RECQL5: variants seen among roughly 807,000 people sequenced by gnomAD.
RECQL5 encodes the protein ATP-dependent DNA helicase Q5.
A neutral mutation model predicts 103.4 loss-of-function variants in RECQL5; 88 were observed. That is an observed-to-expected ratio of 0.85 (90% CI 0.72 to 1.02). The LOEUF (loss-of-function observed/expected upper bound fraction) is 1.02, where lower values mean the gene tolerates loss of function less well. RECQL5 is among the 50% of genes least tolerant of loss of function. The pLI is 0.00. For synonymous variants in RECQL5, 552 were observed against 507.9 expected (o/e 1.09, Z -1.17); for missense variants, 1,232 against 1,284.3 (o/e 0.96, Z 0.62).
Position 75,627,434 on chromosome 17 carries a change from G to A in RECQL5, c.2964C>T (p.Gly988=). 6.2e-7 allele frequency: 1 copy of A among 1,613,336 alleles called. No individual in the cohort carries two copies. The highest frequency in any genetic ancestry group is 1.7e-5 in the Admixed American group (1 of 60,030). The change falls in exon 20 of 20, where the codon GGC becomes GGT. Residue 988 remains glycine, a synonymous_variant. Transcript: ENST00000317905. ...ESEADWHGLC[G]PQR The stretch of plus-strand genomic sequence containing the variant: ...AGCCAGCAGTTGGTCATCTCTGGGG[G>A]CCACACAGGCCATGCCAGTCAGCTT...
intron 2 of RECQL5, among the ~76,000 whole-genome samples, chr17:75,665,988 G>A (rs1478399847): frequency 2.6e-5 from 4 of 152,202 alleles, no homozygotes; most frequent in African/African-American, 9.6e-5. Context: ...GCCAGTGACC[G>A]AGTTAAGTTA....
rs759252798 is a variant in RECQL5 at position 75,662,466 on chromosome 17, C to T, written c.771+13G>A. 5.6e-6 allele frequency: 9 copies of T among 1,609,342 alleles called. No homozygotes were observed. Among genetic ancestry groups the T allele is most frequent in the Middle Eastern group, 1.7e-4 (1 of 5,926 alleles). ...GCTCTAACAGCTGCTTGGCCTCCACCTCAATGCCTCACCCCTTTATCAGCC... is the reference window on the plus strand; with the variant it reads ...GCTCTAACAGCTGCTTGGCCTCCACTTCAATGCCTCACCCCTTTATCAGCC... On this transcript the variant is annotated intron_variant, in intron 4 of 19. Coordinates refer to ENST00000317905, the MANE Select transcript of RECQL5 (RefSeq NM_004259.7).
At chr17:75,632,328 T>C (rs969937196) in intron 8 of RECQL5, among the ~76,000 whole-genome samples, 1 of 152,264 alleles carries the variant, frequency 6.6e-6, no homozygotes, top group African/African-American at 2.4e-5. Context: ...CTGTAGCGCA[T>C]GGCCTGGGTG....
At chr17:75,651,804 A>G (rs1455846398) in intron 7 of RECQL5, among the ~76,000 whole-genome samples, 2 of 152,184 alleles carry the variant, frequency 1.3e-5, no homozygotes, top group African/African-American at 4.8e-5. Flanking sequence ...GAAGCGCTAT[A>G]TAATATCACC....
At chr17:75,657,259 C>T (rs1480686735) in intron 7 of RECQL5, among the ~76,000 whole-genome samples, 2 of 152,292 alleles carry the variant, frequency 1.3e-5, no homozygotes, top group East Asian at 1.9e-4. Flanking sequence ...GTGGCACATG[C>T]CTCTGGTCCC....
At chr17:75,655,604 T>C (rs1340938675) in intron 7 of RECQL5, among the ~76,000 whole-genome samples, 1 of 152,172 alleles carries the variant, frequency 6.6e-6, no homozygotes, top group African/African-American at 2.4e-5. Context: ...GACCTCGTGA[T>C]CTGCCCACCT....
chr17:75,630,077 A>G, intron 14 of RECQL5, 107 bp downstream of exon 14: 1 of 561,370 alleles, frequency 1.8e-6, no homozygotes, highest in Non-Finnish European at 2.9e-6. Context: ...TGGGCTGGGG[A>G]GGGTGAGTTC....
At chr17:75,661,797 G>T in intron 4 of RECQL5, 89 bp from the exon 5 acceptor site, 2 of 952,990 alleles carry the variant, frequency 2.1e-6, no homozygotes, top group Non-Finnish European at 1.6e-6. Context: ...AAGAAGCTCT[G>T]TGTTCCTTCT....
chr17:75,650,151 A>T (rs1214325303), intron 8 of RECQL5: 4 of 986,612 alleles, frequency 4.1e-6, no homozygotes, highest in Non-Finnish European at 1.2e-6. Context: ...AGCAACTCCC[A>T]TATTAATTGT....
At chr17:75,647,719 T>C in intron 8 of RECQL5, 3 of 722,136 alleles carry the variant, frequency 4.2e-6, no homozygotes, top group Non-Finnish European at 6.9e-6. Flanking sequence ...ATACTGTATC[T>C]GGCTTAGGGT....
Position 75,640,335 on chromosome 17 carries a change from TG to T in RECQL5, c.1230-8668del, listed in dbSNP as rs1368454496. On this transcript the variant is annotated intron_variant, in intron 8 of 19. Transcript: ENST00000317905. This position sits in a 1 kb window ranked among gnomAD's most constrained non-coding sequence, Gnocchi z 4.6. ...GTCATCATCCTTTTCACAGGTTAGT[TG>T]GGGCACTCAGCACCCCATGGCTCTC... 9 of 1,542,872 alleles carry T rather than the reference TG, an allele frequency of 5.8e-6. 1 individual carries two copies. The highest frequency in any genetic ancestry group is 3.3e-4 in the Middle Eastern group (2 of 5,986).
Position 75,658,448 on chromosome 17 carries a change from A to C in RECQL5, c.999T>G (p.His333Gln). Residue 333 changes from histidine to glutamine, a missense_variant, in exon 7 of 20, where the codon CAT (histidine) becomes CAG (glutamine). Coordinates refer to ENST00000317905, the MANE Select transcript of RECQL5 (RefSeq NM_004259.7). ...VDKANVRFVA[H>Q]WNIAKSMAGY... ...CAGCCATAGACTTGGCAATATTCCA[A>C]TGGGCGACAAACCTGTAGGATCCAA... 3 of 1,613,588 alleles carry C rather than the reference A, an allele frequency of 1.9e-6. No homozygotes were observed. The highest frequency in any genetic ancestry group is 2.5e-6 in the Non-Finnish European group (3 of 1,179,660).
intron 6 of RECQL5, among the ~76,000 whole-genome samples, chr17:75,660,003 G>A (rs1312762454): frequency 1.3e-5 from 2 of 152,214 alleles, no homozygotes; most frequent in African/African-American, 4.8e-5. Context: ...TCCACAGGGA[G>A]TAGCTTAAAA....
chr17:75,627,725 C>G lies in RECQL5; in HGVS notation c.2806-33G>C. On this transcript the variant is annotated intron_variant, in intron 18 of 19. Transcript: ENST00000317905. Reference sequence around the variant, plus strand: ...GGAGAGGGAGAAGAGAAGCAGAGAGCAGGACCCTTGGTGGCCGGGCGCAGT... The same window carrying G: ...GGAGAGGGAGAAGAGAAGCAGAGAGGAGGACCCTTGGTGGCCGGGCGCAGT... 3.8e-6 allele frequency: 6 copies of G among 1,578,402 alleles called. No homozygotes were observed. In the South Asian group the frequency reaches 6.9e-5, roughly 18 times the overall value.
At chr17:75,641,054 CT>C (rs1202129323) in intron 8 of RECQL5, 5 of 1,343,788 alleles carry the variant, frequency 3.7e-6, no homozygotes, top group Non-Finnish European at 4.9e-6. Context: ...AACTTGAGCC[CT>C]ACCAAGGAAA....
chr17:75,633,339 G>T, intron 8 of RECQL5: 1 of 960,648 alleles, frequency 1.0e-6, no homozygotes, highest in Non-Finnish European at 1.4e-6. Context: ...TCTCCACACA[G>T]CCTAGCCTGC....
chr17:75,650,850 G>A (rs367626633), intron 8 of RECQL5: 35 of 1,471,812 alleles, frequency 2.4e-5, no homozygotes, highest in Non-Finnish European at 2.9e-5. Flanking sequence ...GTCCCAGCTC[G>A]GTGGCACATG....
At position 75,662,808 on chromosome 17, in the gene RECQL5, G is replaced by A. The variant is rs780333281; in HGVS notation, c.442C>T (p.Arg148Cys). 93 of 1,614,010 alleles carry A rather than the reference G, an allele frequency of 5.8e-5. No homozygotes were observed. Among genetic ancestry groups the A allele is most frequent in the East Asian group, 5.6e-4 (25 of 44,894 alleles). ...ACCACCAAGTAAGACAGCAGGTGGC[G>A]GGACACCAGGGAGTTCAGGGTGGGC... ...FQPTLNSLVS[R>C]HLLSYLVVDE... Residue 148 changes from arginine to cysteine, a missense_variant, in exon 4 of 20, where the codon CGC becomes TGC. Arg to Cys is a radical substitution (Grantham distance 180). Transcript: ENST00000317905.
chr17:75,633,363 C>G, intron 8 of RECQL5: 1 of 1,150,186 alleles, frequency 8.7e-7, no homozygotes, highest in Non-Finnish European at 1.1e-6. Context: ...GAGGCACAAC[C>G]AGGCAAATGT....
Sources: gnomAD v4.1 joint callset for allele counts (sites outside exome capture counted in the v4.1 genomes callset) on GRCh38, gnomAD v4.1.1 for gene constraint, Gnocchi (gnomAD v3.1) non-coding constraint, MANE v1.5 for transcripts, NCBI Gene and HGNC (gene_info 2026-07-23, HGNC 2026-07-21) for gene names.